The following PCDH9 variants were observed in gnomAD, a reference collection of about 807,000 sequenced individuals.
PCDH9 encodes protocadherin-9.
A neutral mutation model predicts 70.6 loss-of-function variants in PCDH9; 24 were observed. The ratio of observed to expected loss-of-function variants is 0.34; its 90% CI spans 0.25 to 0.48. PCDH9 has a LOEUF of 0.48. Among genes scored for constraint, PCDH9 ranks in the 20% least tolerant of loss-of-function variants. PCDH9 has a pLI of 0.99. For synonymous variants in PCDH9, 562 were observed against 558.5 expected (o/e 1.01, Z -0.09); for missense variants, 1,281 against 1,503.6 (o/e 0.85, Z 2.45).
chr13:67,209,656 A>C (rs924557751), intron 2 of PCDH9: 4 of 152,138 alleles, frequency 2.6e-5, no homozygotes, highest in Non-Finnish European at 5.9e-5. Context: ...GCTGCTGTTC[A>C]AGATTCAGAA....
intron 4 of PCDH9, among the ~76,000 whole-genome samples, chr13:66,470,884 T>C (rs979045288): frequency 7.3e-5 from 11 of 151,350 alleles, no homozygotes; most frequent in Non-Finnish European, 1.5e-4. Context: ...TAGGGGCATA[T>C]AGAAGATCTG....
In PCDH9 at chr13:67,155,708, A is replaced by C. The variant is rs2087793495; in HGVS notation, c.3036+69697T>G. On this transcript the variant is annotated intron_variant, in intron 2 of 4. Coordinates refer to ENST00000377865, the MANE Select transcript of PCDH9 (RefSeq NM_203487.3). Reference sequence around the variant, plus strand: ...AAATATAGAGAACACTAAGAATTGTACAAAGAGGGGTAAAACATTTGAGTC... The same window carrying C: ...AAATATAGAGAACACTAAGAATTGTCCAAAGAGGGGTAAAACATTTGAGTC... Among the ~76,000 whole-genome samples the C allele has an allele frequency of 2.0e-5, 3 of 152,114 alleles. No individual in the cohort carries two copies. The South Asian group carries it at 6.2e-4, about 32-fold the overall frequency.
At chr13:67,129,093 A>G (rs1272206782) in intron 2 of PCDH9, among the ~76,000 whole-genome samples, 1 of 152,156 alleles carries the variant, frequency 6.6e-6, no homozygotes, top group Admixed American at 6.6e-5. Context: ...TTGTTGTAAC[A>G]TTACTACTTA....
intron 2 of PCDH9, among the ~76,000 whole-genome samples, chr13:67,150,809 C>T (rs1244771107): frequency 6.6e-6 from 1 of 152,140 alleles, no homozygotes; most frequent in African/African-American, 2.4e-5. Flanking sequence ...AATAGAACTC[C>T]AGGAAGACTG....
At chr13:66,399,130 T>C (rs1200791266) in intron 4 of PCDH9, among the ~76,000 whole-genome samples, 1 of 152,180 alleles carries the variant, frequency 6.6e-6, no homozygotes, top group Non-Finnish European at 1.5e-5. Flanking sequence ...TCCTATTCTG[T>C]AGATGCACAG....
At chr13:66,531,758 C>T (rs563448172) in intron 4 of PCDH9, among the ~76,000 whole-genome samples, 2 of 152,212 alleles carry the variant, frequency 1.3e-5, no homozygotes, top group Admixed American at 1.3e-4. Context: ...AGATACTGCT[C>T]ATACATTGTA....
At chr13:66,896,811 G>A (rs919846988) in intron 3 of PCDH9, among the ~76,000 whole-genome samples, 2 of 152,094 alleles carry the variant, frequency 1.3e-5, no homozygotes, top group African/African-American at 4.8e-5. Context: ...GCATTGAGGA[G>A]ACAAAGAACC....
chr13:66,472,395 C>T (rs1228063420), intron 4 of PCDH9, among the ~76,000 whole-genome samples: 2 of 151,732 alleles, frequency 1.3e-5, no homozygotes, highest in Non-Finnish European at 2.9e-5. Context: ...CTTGGCAAAA[C>T]CTCATCTCTA....
intron 4 of PCDH9, among the ~76,000 whole-genome samples, chr13:66,376,483 G>T (rs747973450): frequency 3.4e-4 from 51 of 151,922 alleles, no homozygotes; most frequent in Non-Finnish European, 5.9e-4. Context: ...AAAGTTTTAT[G>T]CATCATTAAT....
intron 2 of PCDH9, among the ~76,000 whole-genome samples, chr13:67,080,193 T>C (rs2085956112): frequency 6.6e-6 from 1 of 152,200 alleles, no homozygotes; most frequent in African/African-American, 2.4e-5. Flanking sequence ...TGGCAGAATT[T>C]GGATTTTTCT....
chr13:67,085,018 A>ATATATATATATATATATATATATC (rs2086077753), intron 2 of PCDH9, among the ~76,000 whole-genome samples: 1 of 128,414 alleles, frequency 7.8e-6, no homozygotes, highest in Non-Finnish European at 1.6e-5. Flanking sequence ...ATATATATAT[A>ATATATATATATATATATATATATC]TATATGTATA....
chr13:67,120,828 T>C (rs748711710), intron 2 of PCDH9, among the ~76,000 whole-genome samples: 3 of 152,060 alleles, frequency 2.0e-5, no homozygotes, highest in Non-Finnish European at 4.4e-5. Flanking sequence ...TCATATATAA[T>C]GATGGAAAAC....
intron 3 of PCDH9, among the ~76,000 whole-genome samples, chr13:66,753,520 A>C (rs991250493): frequency 2.0e-5 from 3 of 151,872 alleles, no homozygotes; most frequent in African/African-American, 7.2e-5. Context: ...GTAAAATTTT[A>C]TCTTAACAAA....
intron 2 of PCDH9, among the ~76,000 whole-genome samples, chr13:66,908,358 C>T (rs1241747722): frequency 1.3e-5 from 2 of 152,114 alleles, no homozygotes; most frequent in South Asian, 2.1e-4. Flanking sequence ...TTTAACTGTT[C>T]GTGTTGTTGT....
intron 4 of PCDH9, among the ~76,000 whole-genome samples, chr13:66,449,404 T>C (rs1276856982): frequency 1.3e-5 from 2 of 152,202 alleles, no homozygotes; most frequent in Non-Finnish European, 2.9e-5. Flanking sequence ...TTTCTTCTAC[T>C]GTATTTAGTT....
chr13:67,134,103 T>C (rs1340776150), intron 2 of PCDH9, among the ~76,000 whole-genome samples: 5 of 152,114 alleles, frequency 3.3e-5, no homozygotes, highest in Non-Finnish European at 5.9e-5. Context: ...CTTTTTAAAA[T>C]AAAATCCTCT....
At chr13:66,825,614 C>T (rs1414815305) in intron 3 of PCDH9, among the ~76,000 whole-genome samples, 7 of 151,944 alleles carry the variant, frequency 4.6e-5, no homozygotes, top group Admixed American at 2.0e-4. Flanking sequence ...GGATTACAGG[C>T]GTGAGCCACC....
At chr13:66,955,263 G>T (rs1338047094) in intron 2 of PCDH9, among the ~76,000 whole-genome samples, 1 of 152,148 alleles carries the variant, frequency 6.6e-6, no homozygotes, top group East Asian at 1.9e-4. Context: ...CTATGTTAGG[G>T]TTTTCAGTGA....
rs1955417010 is a variant in PCDH9 at position 66,304,129 on chromosome 13, A to G, written c.*526T>C. 1 of 152,490 alleles carries G rather than the reference A, an allele frequency of 6.6e-6. No homozygotes were observed. Among genetic ancestry groups the G allele is most frequent in the African/African-American group, 2.4e-5 (1 of 41,406 alleles). 9.4% of individuals were successfully genotyped at this position (152,490 alleles called of 1,614,324 possible). A position where few individuals can be genotyped will look rare whatever the true frequency, so the allele number is the denominator to read the frequency against. ...TAATAATAGCTTGCTTCTATTTACA[A>G]ATACTTTAACACTGATTGACTTACA... is the stretch of plus-strand genomic sequence containing the variant. On this transcript the variant is annotated 3_prime_UTR_variant, in exon 5 of 5. Coordinates refer to ENST00000377865, the MANE Select transcript of PCDH9 (RefSeq NM_203487.3).
Sources: gnomAD v4.1 joint callset for allele counts (sites outside exome capture counted in the v4.1 genomes callset) on GRCh38, gnomAD v4.1.1 for gene constraint, MANE v1.5 for transcripts, NCBI Gene and HGNC (gene_info 2026-07-23, HGNC 2026-07-21) for gene names.